FYN: variants seen among roughly 807,000 people sequenced by gnomAD.
FYN encodes tyrosine-protein kinase Fyn.
FYN carries 10 observed loss-of-function variants against 70.2 expected under a neutral mutation model. The observed-to-expected ratio is 0.14, with a 90% CI of 0.09 to 0.24. The LOEUF (loss-of-function observed/expected upper bound fraction) is 0.24. FYN is among the 10% of genes least tolerant of loss of function. The pLI, the probability that FYN is intolerant of heterozygous loss-of-function variation, is 1.00. For synonymous variants in FYN, 236 were observed against 248.6 expected, an observed-to-expected ratio of 0.95 and a Z score of 0.48; for missense variants, 319 against 673.1, an observed-to-expected ratio of 0.47 and a Z score of 5.82.
chr6:111,704,114 A>G lies in FYN; in HGVS notation c.444-12T>C, dbSNP rs1278695798. ...TTCCAAAGTACCACCTTTAAATTAG[A>G]TCAAGGAAAGAAAATATTTTGAAAT... is the stretch of plus-strand genomic sequence containing the variant. On this transcript the variant is annotated splice_polypyrimidine_tract_variant and intron_variant, in intron 6 of 13. Transcript: ENST00000354650. 3 of 1,605,258 alleles carry G rather than the reference A, an allele frequency of 1.9e-6. No individual in the cohort carries two copies. The highest frequency in any genetic ancestry group is 1.7e-6 in the Non-Finnish European group (2 of 1,172,906).
intron 2 of FYN, among the ~76,000 whole-genome samples, chr6:111,835,913 T>A (rs888960338): frequency 6.6e-6 from 1 of 152,096 alleles, no homozygotes; most frequent in African/African-American, 2.4e-5. Context: ...ACAGGATGAA[T>A]GTGAAAAACA....
At chr6:111,761,676 T>C (rs1234150296) in intron 3 of FYN, among the ~76,000 whole-genome samples, 1 of 152,090 alleles carries the variant, frequency 6.6e-6, no homozygotes, top group African/African-American at 2.4e-5. Context: ...GGGCAGAGCC[T>C]TCCGGGGCGA....
chr6:111,766,277 A>G (rs1007682545), intron 3 of FYN, among the ~76,000 whole-genome samples: 1 of 152,208 alleles, frequency 6.6e-6, no homozygotes. Context: ...CATGCCCAGT[A>G]GCAAAGTTAA....
At chr6:111,721,355 C>A (rs564791380) in intron 3 of FYN, among the ~76,000 whole-genome samples, 18 of 152,198 alleles carry the variant, frequency 1.2e-4, no homozygotes, top group Non-Finnish European at 2.5e-4. Flanking sequence ...GTGCCTGGAA[C>A]AATAAATAGC....
intron 4 of FYN, among the ~76,000 whole-genome samples, chr6:111,717,924 C>G (rs1339118855): frequency 6.6e-6 from 1 of 152,202 alleles, no homozygotes; most frequent in Non-Finnish European, 1.5e-5. Context: ...ATTCAGAGGT[C>G]TGACCATGCA....
At chr6:111,752,886 A>G (rs1245817821) in intron 3 of FYN, among the ~76,000 whole-genome samples, 2 of 152,136 alleles carry the variant, frequency 1.3e-5, no homozygotes, top group African/African-American at 4.8e-5. Context: ...GGATGGAGGG[A>G]TAGACAGGGC....
chr6:111,762,760 A>G (rs1387051164), intron 3 of FYN, among the ~76,000 whole-genome samples: 1 of 152,060 alleles, frequency 6.6e-6, no homozygotes, highest in South Asian at 2.1e-4. Flanking sequence ...GCCTTGGGCC[A>G]CACATAAAAT....
At chr6:111,795,672 T>C (rs374458151) in intron 2 of FYN, among the ~76,000 whole-genome samples, 21 of 152,348 alleles carry the variant, frequency 1.4e-4, no homozygotes, top group African/African-American at 4.3e-4. Context: ...AAGGGTGTTC[T>C]AATTGAACCA....
intron 1 of FYN, among the ~76,000 whole-genome samples, chr6:111,855,485 ACTG>A (rs1773800673): frequency 6.6e-6 from 1 of 152,198 alleles, no homozygotes; most frequent in Non-Finnish European, 1.5e-5. Flanking sequence ...GAATGTAAAA[ACTG>A]TAGAGGTAGA....
intron 2 of FYN, among the ~76,000 whole-genome samples, chr6:111,822,999 G>A (rs1318747422): frequency 2.0e-5 from 3 of 152,210 alleles, no homozygotes; most frequent in African/African-American, 2.4e-5. Context: ...GTAAGGGGAT[G>A]AGCAGTAGGT....
intron 2 of FYN, among the ~76,000 whole-genome samples, chr6:111,799,650 A>C (rs1157572138): frequency 6.6e-6 from 1 of 152,194 alleles, no homozygotes; most frequent in Non-Finnish European, 1.5e-5. Context: ...CAGCTTCACA[A>C]TATCTGGACT....
At chr6:111,789,744 G>A (rs1318614001) in intron 2 of FYN, among the ~76,000 whole-genome samples, 19 of 152,160 alleles carry the variant, frequency 1.2e-4, no homozygotes, top group Admixed American at 9.8e-4. Flanking sequence ...GAATTCTTCC[G>A]ACTTGCCCTT....
At chr6:111,824,417 C>A (rs1010760465) in intron 2 of FYN, among the ~76,000 whole-genome samples, 6 of 152,188 alleles carry the variant, frequency 3.9e-5, no homozygotes, top group African/African-American at 1.2e-4. Context: ...TCCCTGTATA[C>A]TAGACTTAAC....
Position 111,714,446 on chromosome 6 carries a change from G to A in FYN, c.248-3C>T, listed in dbSNP as rs1388076296. On this transcript the variant is annotated splice_region_variant and splice_polypyrimidine_tract_variant and intron_variant, in intron 4 of 13. Coordinates refer to ENST00000354650, the MANE Select transcript of FYN (RefSeq NM_002037.5). Reference sequence around the variant, plus strand: ...AAGGGCCACAAAGAGTGTCACTCCTGCCGAAACGAAATTCACAAGAAGGGA... The same window carrying A: ...AAGGGCCACAAAGAGTGTCACTCCTACCGAAACGAAATTCACAAGAAGGGA... 1.2e-6 allele frequency: 2 copies of A among 1,607,884 alleles called. No individual in the cohort carries two copies. Among genetic ancestry groups the A allele is most frequent in the African/African-American group, 1.3e-5 (1 of 74,796 alleles).
intron 2 of FYN, among the ~76,000 whole-genome samples, chr6:111,832,298 A>G (rs2114417554): frequency 6.6e-6 from 1 of 152,328 alleles, no homozygotes; most frequent in South Asian, 2.1e-4. Context: ...TTCTGTTACT[A>G]CTGCAAACAG....
chr6:111,793,428 A>G (rs911278004), intron 2 of FYN, among the ~76,000 whole-genome samples: 4 of 152,134 alleles, frequency 2.6e-5, no homozygotes, highest in African/African-American at 4.8e-5. Context: ...CCCAGATGAG[A>G]AAGCCCTTGG....
chr6:111,800,153 T>C (rs1771939168), intron 2 of FYN, among the ~76,000 whole-genome samples: 1 of 152,226 alleles, frequency 6.6e-6, no homozygotes, highest in Non-Finnish European at 1.5e-5. Context: ...TGCTGGCTCT[T>C]TGATTCTAAA....
chr6:111,763,665 C>A (rs1803095899), intron 3 of FYN, among the ~76,000 whole-genome samples: 1 of 152,200 alleles, frequency 6.6e-6, no homozygotes, highest in African/African-American at 2.4e-5. Context: ...AACATACGTG[C>A]TTTATCAAAT....
At chr6:111,852,849 T>G (rs1385606014) in intron 1 of FYN, among the ~76,000 whole-genome samples, 4 of 152,216 alleles carry the variant, frequency 2.6e-5, no homozygotes, top group Non-Finnish European at 5.9e-5. Context: ...CTAAAATACA[T>G]TAGTTGCCAT....
Sources: gnomAD v4.1 joint callset for allele counts (sites outside exome capture counted in the v4.1 genomes callset) on GRCh38, gnomAD v4.1.1 for gene constraint, MANE v1.5 for transcripts, NCBI Gene and HGNC (gene_info 2026-07-23, HGNC 2026-07-21) for gene names.